PTCH2: variants seen among roughly 807,000 people sequenced by gnomAD.
The protein encoded by PTCH2 is patched 2.
PTCH2 carries 96 observed loss-of-function variants against 117.9 expected under a neutral mutation model. The observed-to-expected ratio is 0.81, with a 90% CI of 0.69 to 0.96. The LOEUF is 0.96. Ranked by LOEUF, PTCH2 falls within the 50% of genes least tolerant of loss-of-function variation. PTCH2 has a pLI of 0.00. For synonymous variants in PTCH2, 615 were observed against 660.9 expected (o/e 0.93, Z 1.06); for missense variants, 1,379 against 1,562.5 (o/e 0.88, Z 1.98).
downstream of PTCH2, chr1:44,820,628 C>T: frequency 1.4e-6 from 1 of 702,296 alleles, no homozygotes; most frequent in African/African-American, 1.8e-5. Context: ...ACCAATTCAG[C>T]CTGTCCAGAC....
In PTCH2 at chr1:44,822,479, C is replaced by T. The variant is rs56024410; in HGVS notation, c.3548G>A (p.Trp1183Ter). ...GCCAGAGCTAGTGGCAGCAGGGGAC[C>T]AAGGGGGCTCATCAGGGGCTGGATG... is the stretch of plus-strand genomic sequence containing the variant. ...YIHPAPDEPP[W>*]SPAATSSGNL... The change falls in exon 22 of 22, where the codon TGG becomes TAG. Residue 1183 changes from tryptophan to a stop codon, truncating the protein, a stop_gained. Coordinates refer to ENST00000372192, the MANE Select transcript of PTCH2 (RefSeq NM_003738.5). LOFTEE classifies it low-confidence loss of function (END_TRUNC). 1.8e-5 allele frequency: 29 copies of T among 1,613,824 alleles called. No homozygotes were observed. In the East Asian group the frequency reaches 4.0e-4, roughly 22 times the overall value.
Position 44,823,936 on chromosome 1 carries a change from T to TCAAACAAA in PTCH2, c.3115-559_3115-552dup, listed in dbSNP as rs35297741. ...CTGGGCGACAGAGTGAGACCCTGTT[T>TCAAACAAA]CAAACAAACAAACAAACAAACAAAC... On this transcript the variant is annotated intron_variant, in intron 19 of 21. Transcript: ENST00000372192. This position sits in a 1 kb window ranked among gnomAD's most constrained non-coding sequence, Gnocchi z 5.1. Among the ~76,000 whole-genome samples the TCAAACAAA allele has an allele frequency of 5.1e-3, 777 of 151,340 alleles. 5 individuals are homozygous for TCAAACAAA. Among genetic ancestry groups the TCAAACAAA allele is most frequent in the African/African-American group, 0.017 (713 of 41,018 alleles).
Position 44,829,511 on chromosome 1 carries a change from T to C in PTCH2, c.1106A>G (p.Glu369Gly), listed in dbSNP as rs777641930. The change falls in exon 9 of 22, where the codon GAG becomes GGG. Residue 369 changes from glutamate (E) to glycine (G), a missense_variant. Glu to Gly is a moderately conservative substitution (Grantham distance 98). Coordinates refer to ENST00000372192, the MANE Select transcript of PTCH2 (RefSeq NM_003738.5). ...FVQLAQEALP[E>G]NASQQIHAFS... ...GGCATGGATCTGCTGGGAAGCGTTC[T>C]CAGGCAGGGCCTCCTGGGCCAGCTG... is the stretch of plus-strand genomic sequence containing the variant. 6.2e-7 allele frequency: 1 copy of C among 1,614,156 alleles called. No individual in the cohort carries two copies. Among genetic ancestry groups the C allele is most frequent in the Non-Finnish European group, 8.5e-7 (1 of 1,180,038 alleles).
chr1:44,824,562 A>G (rs546068864), intron 19 of PTCH2, among the ~76,000 whole-genome samples: 2 of 150,752 alleles, frequency 1.3e-5, no homozygotes, highest in Non-Finnish European at 2.9e-5. Flanking sequence ...CAGTGGTGTA[A>G]TCATGGCTCA....
chr1:44,829,382 G>T lies in PTCH2; in HGVS notation c.1215+20C>A. 1.2e-6 allele frequency: 2 copies of T among 1,614,088 alleles called. No individual in the cohort carries two copies. ...TGGTTGGAGGTGGGGTGGGGGCAAG[G>T]TGCCAGGTGCAAGACCCACCATGAG... On this transcript the variant is annotated intron_variant, in intron 9 of 21. Coordinates refer to ENST00000372192, the MANE Select transcript of PTCH2 (RefSeq NM_003738.5).
At chr1:44,833,586 G>A (rs1369732757) in intron 2 of PTCH2, among the ~76,000 whole-genome samples, 4 of 151,664 alleles carry the variant, frequency 2.6e-5, no homozygotes, top group African/African-American at 7.3e-5. Flanking sequence ...ACAGGCACCC[G>A]CCACCAGGCC....
intron 1 of PTCH2, 58 bp downstream of exon 1, chr1:44,842,803 G>T: frequency 6.8e-7 from 1 of 1,470,450 alleles, no homozygotes; most frequent in East Asian, 2.5e-5. Flanking sequence ...CCTTGCAGAG[G>T]CCCGAGTGAC....
chr1:44,819,921 AACTC>A (rs1308239361), downstream of PTCH2: 1 of 153,248 alleles, frequency 6.5e-6, no homozygotes, highest in Non-Finnish European at 1.5e-5. Flanking sequence ...ATTGAATAAA[AACTC>A]ACAACTTTCT....
At position 44,828,187 on chromosome 1, in the gene PTCH2, A is replaced by T; in HGVS notation, c.1714T>A (p.Cys572Ser). 1 of 1,613,518 alleles carries T rather than the reference A, an allele frequency of 6.2e-7. No individual in the cohort carries two copies. The highest frequency in any genetic ancestry group is 8.5e-7 in the Non-Finnish European group (1 of 1,179,960). ...LDVLCCFSSP[C>S]SAQVIQILPQ... ...AGGATCTGAATCACCTGAGCAGAGC[A>T]GGGACTGGAAGAGGTAGAGAGTGGA... Residue 572 changes from cysteine to serine, a missense_variant, in exon 14 of 22, where the codon TGC (cysteine) becomes AGC (serine). Physicochemically the swap from Cys to Ser is moderately radical, Grantham distance 112 (BLOSUM62 -1). Transcript: ENST00000372192.
rs1209367758 is a variant in PTCH2 at position 44,829,275 on chromosome 1, C to T, written c.1253G>A (p.Cys418Tyr). Residue 418 changes from cysteine to tyrosine, a missense_variant, in exon 10 of 22, where the codon TGC becomes TAC. Cys to Tyr is a radical substitution (Grantham distance 194, BLOSUM62 -2). Coordinates refer to ENST00000372192, the MANE Select transcript of PTCH2 (RefSeq NM_003738.5). ...GCCCACGGAACCCTGGGACTGGGCGCAGTCCCACCGCAGCATGGTCACACA... is the reference window on the plus strand; with the variant it reads ...GCCCACGGAACCCTGGGACTGGGCGTAGTCCCACCGCAGCATGGTCACACA... ...YACVTMLRWD[C>Y]AQSQGSVGLA... The T allele has an allele frequency of 6.2e-7, 1 of 1,613,558 alleles. No homozygotes were observed. The highest frequency in any genetic ancestry group is 8.5e-7 in the Non-Finnish European group (1 of 1,179,998).
chr1:44,833,011 C>T (rs142704169), intron 2 of PTCH2, among the ~76,000 whole-genome samples: 10 of 152,276 alleles, frequency 6.6e-5, no homozygotes, highest in African/African-American at 2.4e-4. Context: ...TGCATGGAAT[C>T]AGCTCACGAA....
rs1323714198 is a variant in PTCH2, at chr1:44,823,606, T to C, written c.3115-221A>G. Among the ~76,000 whole-genome samples, 1 of 152,014 alleles carries C rather than the reference T, an allele frequency of 6.6e-6. No homozygotes were observed. Among genetic ancestry groups the C allele is most frequent in the African/African-American group, 2.4e-5 (1 of 41,370 alleles). ...CTTAGACACAGAGACACGTAGAAAA[T>C]AGGGTACAGCCTGGGTGACAGAGTG... On this transcript the variant is annotated intron_variant, in intron 19 of 21. Coordinates refer to ENST00000372192, the MANE Select transcript of PTCH2 (RefSeq NM_003738.5). The surrounding 1 kb of genome is among the most constrained non-coding windows in gnomAD (Gnocchi z 5.1).
intron 2 of PTCH2, among the ~76,000 whole-genome samples, chr1:44,839,801 A>G (rs1195437239): frequency 6.6e-6 from 1 of 152,008 alleles, no homozygotes; most frequent in East Asian, 1.9e-4. Context: ...GGGCTGGCCT[A>G]GAGTGTATAT....
chr1:44,827,461 G>A lies in PTCH2; in HGVS notation c.2312C>T (p.Pro771Leu), dbSNP rs768407826. Reference protein sequence around the residue: ...QRFSSLKAVLPPPATQAPRTW... With the variant: ...QRFSSLKAVLLPPATQAPRTW... Reference sequence around the variant, plus strand: ...GCGGGGTGCCTGGGTGGCCGGTGGGGGCAGCACCGCCTTGAGGGAACTGAA... The same window carrying A: ...GCGGGGTGCCTGGGTGGCCGGTGGGAGCAGCACCGCCTTGAGGGAACTGAA... The change falls in exon 15 of 22, where the codon CCC becomes CTC. Residue 771 changes from proline to leucine, a missense_variant. Pro to Leu is a moderately conservative substitution (Grantham distance 98). Transcript: ENST00000372192. 1 of 1,614,096 alleles carries A rather than the reference G, an allele frequency of 6.2e-7. No individual in the cohort carries two copies. The highest frequency in any genetic ancestry group is 8.5e-7 in the Non-Finnish European group (1 of 1,180,008).
chr1:44,820,433 G>A (rs1462477383), downstream of PTCH2: 1 of 673,530 alleles, frequency 1.5e-6, no homozygotes, highest in Non-Finnish European at 2.7e-6. Context: ...GAGAGGGACG[G>A]GGAAACAGAC....
At chr1:44,841,753 C>T in intron 2 of PTCH2, 94 bp downstream of exon 2, 1 of 1,427,530 alleles carries the variant, frequency 7.0e-7, no homozygotes, top group Non-Finnish European at 9.9e-7. Context: ...AGCCCCAGGG[C>T]CAGGCCTGCT....
In PTCH2 at chr1:44,822,200, T is replaced by C; in HGVS notation, c.*215A>G. 6.9e-7 allele frequency: 1 copy of C among 1,443,226 alleles called. No individual in the cohort carries two copies. Among genetic ancestry groups the C allele is most frequent in the Non-Finnish European group, 9.1e-7 (1 of 1,104,256 alleles). 89.4% of individuals were successfully genotyped at this position (1,443,226 alleles called of 1,614,324 possible). ...CAGCCCCAAGTGCCAGCTTTCACTC[T>C]CAAGTGACACAGATACAGGCTCACA... On this transcript the variant is annotated 3_prime_UTR_variant, in exon 22 of 22. Transcript: ENST00000372192.
chr1:44,838,729 CTT>C (rs750441536), intron 2 of PTCH2, among the ~76,000 whole-genome samples: 25 of 144,226 alleles, frequency 1.7e-4, no homozygotes, highest in Middle Eastern at 3.4e-3. Context: ...TTTTTCTTTT[CTT>C]TTTTTTTTTT....
At position 44,826,380 on chromosome 1, in the gene PTCH2, A is replaced by G. The variant is rs1653141745; in HGVS notation, c.2984T>C (p.Val995Ala). The change falls in exon 19 of 22, where the codon GTC becomes GCC. Residue 995 changes from valine (V) to alanine (A), a missense_variant. Coordinates refer to ENST00000372192, the MANE Select transcript of PTCH2 (RefSeq NM_003738.5). The surrounding 1 kb of genome is among the most constrained non-coding windows in gnomAD (Gnocchi z 5.1). The part of the protein sequence containing the change: ...NPWTAGLIVL[V>A]LAMMTVELFG... Reference sequence around the variant, plus strand: ...GAGTTCCACTGTCATCATCGCCAGGACCAGCACCTGAGGGAGACAGGGCTC... The same window carrying G: ...GAGTTCCACTGTCATCATCGCCAGGGCCAGCACCTGAGGGAGACAGGGCTC... The G allele has an allele frequency of 6.2e-7, 1 of 1,614,108 alleles. No homozygotes were observed. The highest frequency in any genetic ancestry group is 1.3e-5 in the African/African-American group (1 of 75,030).
Sources: gnomAD v4.1 joint callset for allele counts (sites outside exome capture counted in the v4.1 genomes callset) on GRCh38, gnomAD v4.1.1 for gene constraint, Gnocchi (gnomAD v3.1) non-coding constraint, MANE v1.5 for transcripts, NCBI Gene and HGNC (gene_info 2026-07-23, HGNC 2026-07-21) for gene names.